FLYWCH1: variants seen among roughly 807,000 people sequenced by gnomAD.
The protein encoded by FLYWCH1 is FLYWCH-type zinc finger-containing protein 1.
In FLYWCH1, 75 loss-of-function variants were observed where a neutral mutation model predicts 66.4. The observed-to-expected ratio is 1.13, with a 90% CI of 0.94 to 1.37. FLYWCH1 has a LOEUF of 1.37. FLYWCH1 is among the 40% of genes most tolerant of loss of function. The pLI, the probability that FLYWCH1 is intolerant of heterozygous loss-of-function variation, is 0.00. For synonymous variants in FLYWCH1, 595 were observed against 429.9 expected, an observed-to-expected ratio of 1.38 and a Z score of -4.75; for missense variants, 1,334 against 1,001.8, an observed-to-expected ratio of 1.33 and a Z score of -4.48.
chr16:2,938,442 A>C lies in FLYWCH1; in HGVS notation c.2036A>C (p.Gln679Pro). 6.6e-7 allele frequency: 1 copy of C among 1,525,110 alleles called. No homozygotes were observed. The highest frequency in any genetic ancestry group is 8.8e-7 in the Non-Finnish European group (1 of 1,137,642). 94.5% of individuals were successfully genotyped at this position (1,525,110 alleles called of 1,614,324 possible). Reference protein sequence around the residue: ...RQRERLPTTAQQEDPEKIQVQ... With the variant: ...RQRERLPTTAPQEDPEKIQVQ... ...CGGGAGCGGCTCCCCACCACGGCCC[A>C]GCAGGAGGACCCAGGTACAGGCAGG... Residue 679 changes from glutamine to proline, a missense_variant, in exon 8 of 10, where the codon CAG becomes CCG. By Grantham distance (76) the Gln-to-Pro change is moderately conservative (BLOSUM62 -1). Transcript: ENST00000253928.
intron 2 of FLYWCH1, among the ~76,000 whole-genome samples, chr16:2,919,140 C>T (rs908832197): frequency 9.9e-5 from 15 of 151,692 alleles, no homozygotes; most frequent in African/African-American, 1.9e-4. Flanking sequence ...AAGGTGGTCT[C>T]GATCTCCTGA....
chr16:2,942,544 G>C (rs1431332602), intron 9 of FLYWCH1, among the ~76,000 whole-genome samples: 5 of 147,602 alleles, frequency 3.4e-5, no homozygotes, highest in African/African-American at 1.3e-4. Context: ...TAGGAACGTA[G>C]AATACCAGCA....
intron 1 of FLYWCH1, 24 bp downstream of exon 1, chr16:2,912,178 G>T (rs948689169): frequency 6.6e-5 from 10 of 152,224 alleles, no homozygotes; most frequent in African/African-American, 2.4e-4. Context: ...CCTGCGGGCG[G>T]GGAATGTCCC....
chr16:2,948,665 A>G, intron 9 of FLYWCH1, 23 bp from the exon 10 acceptor site: 2 of 1,612,774 alleles, frequency 1.2e-6, no homozygotes, highest in Non-Finnish European at 1.7e-6. Context: ...GTGTGCAATG[A>G]ACATGTGTCT....
chr16:2,941,219 G>A (rs1455760122), intron 9 of FLYWCH1, among the ~76,000 whole-genome samples: 1 of 151,974 alleles, frequency 6.6e-6, no homozygotes, highest in Non-Finnish European at 1.5e-5. Context: ...CTGGGAGGCA[G>A]AGGCAGGAGG....
intron 9 of FLYWCH1, among the ~76,000 whole-genome samples, chr16:2,946,662 A>G (rs2071498980): frequency 6.6e-6 from 1 of 152,102 alleles, no homozygotes; most frequent in Non-Finnish European, 1.5e-5. Flanking sequence ...CCAATTAACA[A>G]ATGGCCAAAG....
In FLYWCH1 at chr16:2,942,848, C is replaced by T. The variant is rs957568203; in HGVS notation, c.2111+2756C>T. Among the ~76,000 whole-genome samples, 30 of 148,294 alleles carry T rather than the reference C, an allele frequency of 2.0e-4. 1 individual carries two copies. The highest frequency in any genetic ancestry group is 4.0e-4 in the African/African-American group (16 of 39,918). ...TCCCAGGTAGCTGGGATTAGAAGTGCGCACCACCACGCTCAGCTAATTTTT... is the reference window on the plus strand; with the variant it reads ...TCCCAGGTAGCTGGGATTAGAAGTGTGCACCACCACGCTCAGCTAATTTTT... On this transcript the variant is annotated intron_variant, in intron 9 of 9. Coordinates refer to ENST00000253928, the MANE Select transcript of FLYWCH1 (RefSeq NM_001308068.2).
At chr16:2,944,737 C>G (rs576851115) in intron 9 of FLYWCH1, among the ~76,000 whole-genome samples, 27 of 151,572 alleles carry the variant, frequency 1.8e-4, no homozygotes, top group Admixed American at 8.5e-4. Context: ...GCGTGAGAAT[C>G]GCTTAACCTG....
intron 4 of FLYWCH1, 136 bp downstream of exon 4, chr16:2,931,016 T>A: frequency 1.3e-6 from 1 of 760,176 alleles, no homozygotes; most frequent in Non-Finnish European, 2.1e-6. Flanking sequence ...TTTAAAAATA[T>A]AAATGTGGCC....
At chr16:2,914,567 C>G (rs1215297421) in intron 2 of FLYWCH1, among the ~76,000 whole-genome samples, 4 of 152,136 alleles carry the variant, frequency 2.6e-5, no homozygotes, top group African/African-American at 9.7e-5. Context: ...GCTTTCCATG[C>G]AAATCTGCCG....
intron 4 of FLYWCH1, among the ~76,000 whole-genome samples, chr16:2,931,305 TAAAAAAAA>T (rs150704073): frequency 2.3e-5 from 2 of 87,468 alleles, no homozygotes; most frequent in Non-Finnish European, 2.1e-5. Context: ...TCCATCTCAG[TAAAAAAAA>T]AAAAAAAAAA....
Position 2,933,786 on chromosome 16 carries a change from G to T in FLYWCH1, c.1320G>T (p.Arg440=), listed in dbSNP as rs760513094. ...TGTACGAGTCCTTCCTCTACCGGCG[G>T]GAGAAGGCGGCTGGGGAGAAGGTGT... ...FLVYESFLYR[R]EKAAGEKVYW... is the part of the protein sequence containing the mutation. Residue 440 remains arginine (R), a synonymous_variant, in exon 6 of 10, where the codon CGG becomes CGT. Coordinates refer to ENST00000253928, the MANE Select transcript of FLYWCH1 (RefSeq NM_001308068.2). The T allele has an allele frequency of 6.2e-7, 1 of 1,611,414 alleles. No homozygotes were observed.
intron 2 of FLYWCH1, among the ~76,000 whole-genome samples, chr16:2,914,496 C>T (rs773636171): frequency 1.3e-5 from 2 of 152,188 alleles, no homozygotes; most frequent in East Asian, 1.9e-4. Flanking sequence ...TCCGCACCCT[C>T]AATTCTGGGA....
In FLYWCH1 at chr16:2,933,871, C is replaced by G. The variant is rs768455395; in HGVS notation, c.1405C>G (p.Arg469Gly). 5 of 1,599,798 alleles carry G rather than the reference C, an allele frequency of 3.1e-6. No homozygotes were observed. The South Asian group carries it at 5.6e-5, about 18-fold the overall frequency. ...CCGCAGCCGCGCCATCACCCAGGGCCGACGGGTGACTGTCATGCGTGGTCA... is the reference window on the plus strand; with the variant it reads ...CCGCAGCCGCGCCATCACCCAGGGCGGACGGGTGACTGTCATGCGTGGTCA... Reference protein sequence around the residue: ...GCRSRAITQGRRVTVMRGHCH... With the variant: ...GCRSRAITQGGRVTVMRGHCH... The change falls in exon 6 of 10, where the codon CGA becomes GGA. Residue 469 changes from arginine to glycine, a missense_variant. Transcript: ENST00000253928.
At chr16:2,917,471 C>T (rs989262249) in intron 2 of FLYWCH1, among the ~76,000 whole-genome samples, 15 of 152,024 alleles carry the variant, frequency 9.9e-5, no homozygotes, top group African/African-American at 2.9e-4. Context: ...TCAGGTGATC[C>T]GCCCATCTCA....
chr16:2,917,431 G>A (rs984127516), intron 2 of FLYWCH1, among the ~76,000 whole-genome samples: 2 of 151,682 alleles, frequency 1.3e-5, no homozygotes, highest in Non-Finnish European at 1.5e-5. Context: ...GTTTTGCCAT[G>A]TTGGTCAGGC....
chr16:2,931,992 C>G (rs1218460614), intron 4 of FLYWCH1, among the ~76,000 whole-genome samples: 1 of 152,042 alleles, frequency 6.6e-6, no homozygotes, highest in Non-Finnish European at 1.5e-5. Flanking sequence ...GTAGCGGGCG[C>G]CTGTAGTCCC....
intron 3 of FLYWCH1, 62 bp downstream of exon 3, chr16:2,930,072 C>T: frequency 2.9e-6 from 4 of 1,372,846 alleles, no homozygotes; most frequent in Non-Finnish European, 4.0e-6. Flanking sequence ...CCCAGCAGGC[C>T]CTGTACACCC....
intron 2 of FLYWCH1, among the ~76,000 whole-genome samples, chr16:2,919,565 A>G (rs73482954): frequency 0.058 from 8,767 of 151,742 alleles, 862 homozygotes; most frequent in African/African-American, 0.2. Context: ...CGTCTGGCCT[A>G]TTTTTTGTTT....
Sources: gnomAD v4.1 joint callset for allele counts (sites outside exome capture counted in the v4.1 genomes callset) on GRCh38, gnomAD v4.1.1 for gene constraint, MANE v1.5 for transcripts, NCBI Gene and HGNC (gene_info 2026-07-23, HGNC 2026-07-21) for gene names.